The following SASH1 variants were observed in gnomAD, a reference collection of about 807,000 sequenced individuals.
SASH1 encodes the protein SAM and SH3 domain-containing protein 1.
Under a neutral mutation model 125.2 loss-of-function variants are expected in SASH1, and 44 were observed. That is an observed-to-expected ratio of 0.35 (90% CI 0.28 to 0.45). The LOEUF (loss-of-function observed/expected upper bound fraction) is 0.45, where lower values mean the gene tolerates loss of function less well. Ranked by LOEUF, SASH1 falls within the 20% of genes least tolerant of loss-of-function variation. SASH1 has a pLI of 1.00. For missense variants in SASH1, 1,426 were observed against 1,614.5 expected, an observed-to-expected ratio of 0.88 and a Z score of 2.00; for synonymous variants, 639 against 649.1, an observed-to-expected ratio of 0.98 and a Z score of 0.24.
At chr6:148,475,215 C>T (rs1371305142) in intron 7 of SASH1, among the ~76,000 whole-genome samples, 6 of 152,224 alleles carry the variant, frequency 3.9e-5, no homozygotes, top group African/African-American at 1.4e-4. Context: ...CAAAAACCTT[C>T]AAATCACCAA....
In SASH1 at chr6:148,348,588, A is replaced by G. The variant is rs148281418; in HGVS notation, c.156+5365A>G. Among the ~76,000 whole-genome samples the G allele has an allele frequency of 1.6e-3, 243 of 152,212 alleles. 3 individuals are homozygous for G. The highest frequency in any genetic ancestry group is 5.7e-3 in the African/African-American group (235 of 41,536). On this transcript the variant is annotated intron_variant, in intron 1 of 19. Coordinates refer to ENST00000367467, the MANE Select transcript of SASH1 (RefSeq NM_015278.5). ...CATTTCCTTACTTGATCCTTGTAGG[A>G]GGTGTGGTCAGTGAGTATTCTTGCC...
chr6:148,456,354 A>G (rs762562969), intron 4 of SASH1, among the ~76,000 whole-genome samples: 27 of 152,194 alleles, frequency 1.8e-4, no homozygotes, highest in Non-Finnish European at 2.9e-4. Context: ...GTGGCAGCCC[A>G]TTCTCACAGC....
chr6:148,300,289 A>G (rs1018209619), intron 1 of SASH1, among the ~76,000 whole-genome samples: 6 of 152,066 alleles, frequency 3.9e-5, no homozygotes, highest in African/African-American at 1.4e-4. Flanking sequence ...AAGGATGTTA[A>G]AAGTTATCCA....
chr6:148,353,742 C>T (rs890982616), intron 1 of SASH1, among the ~76,000 whole-genome samples: 1 of 152,068 alleles, frequency 6.6e-6, no homozygotes, highest in Non-Finnish European at 1.5e-5. Context: ...ACCAATTGAT[C>T]TTAACTATTG....
At chr6:148,506,227 A>C (rs535006286) in intron 8 of SASH1, among the ~76,000 whole-genome samples, 75 of 151,928 alleles carry the variant, frequency 4.9e-4, no homozygotes, top group Non-Finnish European at 9.1e-4. Context: ...TAGTCCCAGC[A>C]CTTTGGGAGG....
intron 2 of SASH1, among the ~76,000 whole-genome samples, chr6:148,423,740 G>A (rs1165735499): frequency 2.6e-5 from 4 of 152,024 alleles, no homozygotes; most frequent in South Asian, 2.1e-4. Flanking sequence ...TACCCAGCAC[G>A]TCAACTGAGT....
intron 1 of SASH1, among the ~76,000 whole-genome samples, chr6:148,375,239 G>A (rs552286116): frequency 6.6e-5 from 10 of 151,678 alleles, no homozygotes; most frequent in African/African-American, 1.7e-4. Context: ...TGATCCACCC[G>A]CCTCAGCCTC....
rs181739129 is a variant in SASH1 at position 148,337,059 on chromosome 6, T to A, written n.75-53075T>A. On this transcript the variant is annotated intron_variant and non_coding_transcript_variant, in intron 1 of 3. Transcript: ENST00000367469. ...ATTCTGGCCCACAGTTAAGAACAAG[T>A]TTTTGTTTTGTTTTGTTTGGGACAG... Among the ~76,000 whole-genome samples the A allele has an allele frequency of 3.3e-5, 5 of 152,028 alleles. No individual in the cohort carries two copies. The East Asian group carries it at 9.7e-4, about 29-fold the overall frequency.
At chr6:148,209,281 G>A in the SASH1 span, among the ~76,000 whole-genome samples, 9 of 152,204 alleles carry the variant, frequency 5.9e-5, no homozygotes, top group African/African-American at 2.2e-4. Flanking sequence ...CCTGTCCTGT[G>A]ACTGAAATAT....
At chr6:148,374,708 G>C (rs79377665) in intron 1 of SASH1, among the ~76,000 whole-genome samples, 18 of 64,542 alleles carry the variant, frequency 2.8e-4, no homozygotes, top group African/African-American at 8.9e-4. Flanking sequence ...TTTTTTTGGG[G>C]GGGGGGGAGA....
chr6:148,414,567 T>G (rs565395614), intron 2 of SASH1, among the ~76,000 whole-genome samples: 1 of 152,224 alleles, frequency 6.6e-6, no homozygotes, highest in Non-Finnish European at 1.5e-5. Context: ...ACATACTTAT[T>G]GAATGCCTAC....
intron 1 of SASH1, among the ~76,000 whole-genome samples, chr6:148,358,277 A>G (rs1782034751): frequency 6.6e-6 from 1 of 152,192 alleles, no homozygotes; most frequent in East Asian, 1.9e-4. Flanking sequence ...ACTGTAGGTC[A>G]CCGATGGCTC....
chr6:148,204,628 G>T, the SASH1 span, among the ~76,000 whole-genome samples: 18 of 152,228 alleles, frequency 1.2e-4, no homozygotes, highest in African/African-American at 3.9e-4. Flanking sequence ...GGAGGTGGAG[G>T]TTGCAGTGAG....
At chr6:148,229,143 A>AAC in the SASH1 span, among the ~76,000 whole-genome samples, 9 of 111,080 alleles carry the variant, frequency 8.1e-5, 1 homozygote, top group South Asian at 9.4e-4. Context: ...CAAAAAAAAA[A>AAC]AAAAAAAAAA....
intron 9 of SASH1, among the ~76,000 whole-genome samples, chr6:148,514,750 T>C (rs1410931663): frequency 6.6e-6 from 1 of 152,226 alleles, no homozygotes; most frequent in Non-Finnish European, 1.5e-5. Flanking sequence ...ATGTATGAGC[T>C]TATACCATTT....
upstream of SASH1, among the ~76,000 whole-genome samples, chr6:148,338,396 C>T (rs1040655096): frequency 6.8e-5 from 10 of 146,336 alleles, no homozygotes; most frequent in African/African-American, 2.5e-4. Flanking sequence ...CACTGCACTA[C>T]ATCCTGGGCA....
At position 148,422,280 on chromosome 6, in the gene SASH1, C is replaced by T. The variant is rs140337341; in HGVS notation, c.286-17904C>T. Among the ~76,000 whole-genome samples the T allele has an allele frequency of 1.3e-3, 193 of 152,334 alleles. 2 individuals carry two copies. The highest frequency in any genetic ancestry group is 4.5e-3 in the African/African-American group (187 of 41,572). On this transcript the variant is annotated intron_variant, in intron 2 of 19. Coordinates refer to ENST00000367467, the MANE Select transcript of SASH1 (RefSeq NM_015278.5). ...GCAGGCATGTGAGCATGGAGATGAA[C>T]TCTGTTCTGGATAAACAGTACTCCA...
intron 17 of SASH1, among the ~76,000 whole-genome samples, chr6:148,541,352 G>T (rs993116843): frequency 4.0e-5 from 6 of 151,600 alleles, no homozygotes; most frequent in Non-Finnish European, 7.4e-5. Flanking sequence ...CTTAATGCAG[G>T]TTGTACTTTA....
At chr6:148,224,604 G>C in the SASH1 span, among the ~76,000 whole-genome samples, 4 of 152,086 alleles carry the variant, frequency 2.6e-5, no homozygotes, top group African/African-American at 9.6e-5. Context: ...CAAGTGATCC[G>C]TTCTCCTGGG....
Sources: allele counts gnomAD v4.1 joint callset (sites outside exome capture counted in the v4.1 genomes callset), GRCh38; gene constraint gnomAD v4.1.1; transcripts MANE v1.5; gene names NCBI Gene and HGNC (gene_info 2026-07-23, HGNC 2026-07-21).